Variants in WDPCP observed in about 807,000 individuals in gnomAD.
WDPCP encodes the protein WD repeat containing planar cell polarity effector.
In WDPCP, 71 loss-of-function variants were observed where a neutral mutation model predicts 93.1. The observed-to-expected ratio is 0.76, with a 90% CI of 0.63 to 0.93. The LOEUF (loss-of-function observed/expected upper bound fraction) is 0.93, where lower values mean the gene tolerates loss of function less well. Ranked by LOEUF, WDPCP falls within the 40% of genes least tolerant of loss-of-function variation. The pLI is 0.00. For synonymous variants in WDPCP, 315 were observed against 315.0 expected (o/e 1.00, Z 0.00); for missense variants, 844 against 887.4 (o/e 0.95, Z 0.62).
At chr2:63,277,637 C>T (rs1391967856) in intron 13 of WDPCP, among the ~76,000 whole-genome samples, 1 of 152,122 alleles carries the variant, frequency 6.6e-6, no homozygotes, top group Non-Finnish European at 1.5e-5. Flanking sequence ...TTTAAGACAA[C>T]AGCAGTTTAA....
intron 12 of WDPCP, among the ~76,000 whole-genome samples, chr2:63,374,841 TTA>T (rs34306844): frequency 0.55 from 83,346 of 151,652 alleles, 23,189 homozygotes; most frequent in Admixed American, 0.63. Flanking sequence ...ATCTCTCTGT[TTA>T]TCCATCAATT....
intron 2 of WDPCP, among the ~76,000 whole-genome samples, chr2:63,725,602 G>A (rs1162217204): frequency 1.3e-5 from 2 of 152,210 alleles, no homozygotes; most frequent in East Asian, 3.9e-4. Flanking sequence ...TCTGTTTTAG[G>A]TTCTTTGAGA....
intron 13 of WDPCP, among the ~76,000 whole-genome samples, chr2:63,261,055 T>C (rs951363619): frequency 1.3e-5 from 2 of 152,232 alleles, no homozygotes; most frequent in Non-Finnish European, 2.9e-5. Context: ...AAAGTTACAA[T>C]GTAAAACAGT....
chr2:63,640,050 C>T (rs901462967), intron 3 of WDPCP, among the ~76,000 whole-genome samples: 1 of 152,152 alleles, frequency 6.6e-6, no homozygotes, highest in Non-Finnish European at 1.5e-5. Flanking sequence ...TCGCTGTCTC[C>T]CAGGCTGGAG....
chr2:63,352,330 T>A (rs577221875), intron 12 of WDPCP, among the ~76,000 whole-genome samples: 2 of 152,260 alleles, frequency 1.3e-5, no homozygotes, highest in East Asian at 3.9e-4. Flanking sequence ...TTTTAAAAAG[T>A]GTTAAGTTTC....
intron 2 of WDPCP, among the ~76,000 whole-genome samples, chr2:63,688,359 G>A (rs1295633542): frequency 6.6e-6 from 1 of 151,848 alleles, no homozygotes; most frequent in African/African-American, 2.4e-5. Context: ...CCTGGGAGGC[G>A]GAGCTCGCAG....
At chr2:63,436,261 A>C (rs1175016462) in intron 8 of WDPCP, among the ~76,000 whole-genome samples, 2 of 152,136 alleles carry the variant, frequency 1.3e-5, no homozygotes, top group African/African-American at 2.4e-5. Flanking sequence ...AAATATAATA[A>C]GTAGCACTAA....
At chr2:63,265,848 A>G (rs1682063916) in intron 13 of WDPCP, among the ~76,000 whole-genome samples, 1 of 152,226 alleles carries the variant, frequency 6.6e-6, no homozygotes, top group African/African-American at 2.4e-5. Flanking sequence ...AAACGCAAGT[A>G]TGGTTCAACA....
intron 2 of WDPCP, among the ~76,000 whole-genome samples, chr2:63,763,530 G>A: frequency 6.6e-6 from 1 of 150,934 alleles, no homozygotes; most frequent in African/African-American, 2.4e-5. Context: ...AATTGTTGAT[G>A]GAATAAGTGA....
chr2:63,190,024 T>A (rs1674921366), intron 14 of WDPCP, among the ~76,000 whole-genome samples: 1 of 152,090 alleles, frequency 6.6e-6, no homozygotes, highest in Admixed American at 6.5e-5. Context: ...CTTTACTGAT[T>A]GGGGGATATA....
chr2:63,505,621 G>C (rs769134369), intron 1 of WDPCP, among the ~76,000 whole-genome samples: 1 of 151,924 alleles, frequency 6.6e-6, no homozygotes, highest in African/African-American at 2.4e-5. Flanking sequence ...AAACATATTT[G>C]AAAATTTGTG....
At chr2:63,324,729 A>G (rs1013156363) in intron 12 of WDPCP, among the ~76,000 whole-genome samples, 2 of 152,236 alleles carry the variant, frequency 1.3e-5, no homozygotes, top group Non-Finnish European at 2.9e-5. Context: ...AAAATTCCCT[A>G]CTGGTCAGCA....
intron 3 of WDPCP, chr2:63,597,207 A>G (rs1176465048): frequency 1.2e-6 from 1 of 868,860 alleles, no homozygotes; most frequent in East Asian, 1.2e-4. Flanking sequence ...AGCAAAATAA[A>G]TCTATTGACA....
At chr2:63,268,931 C>T (rs1321520963) in intron 13 of WDPCP, among the ~76,000 whole-genome samples, 2 of 151,998 alleles carry the variant, frequency 1.3e-5, no homozygotes, top group Non-Finnish European at 2.9e-5. Flanking sequence ...CACATTGTAC[C>T]CCATAAACAC....
chr2:63,250,465 A>G (rs1680622162), intron 14 of WDPCP, among the ~76,000 whole-genome samples: 2 of 152,230 alleles, frequency 1.3e-5, no homozygotes, highest in African/African-American at 4.8e-5. Context: ...AGACTACTAT[A>G]ATAGCAGTAT....
intron 2 of WDPCP, among the ~76,000 whole-genome samples, chr2:63,793,515 G>A (rs1442393449): frequency 6.6e-6 from 1 of 152,172 alleles, no homozygotes; most frequent in Non-Finnish European, 1.5e-5. Flanking sequence ...GGAGGCCCAG[G>A]TGGGAAGACT....
intron 14 of WDPCP, among the ~76,000 whole-genome samples, chr2:63,230,456 A>G (rs1678757804): frequency 6.6e-6 from 1 of 152,184 alleles, no homozygotes; most frequent in African/African-American, 2.4e-5. Context: ...ATGCCCAGTA[A>G]TGGGATGGCT....
At chr2:63,824,537 CAAAAAAAAAAAAA>C (rs70965144) in intron 1 of WDPCP, among the ~76,000 whole-genome samples, 1 of 85,288 alleles carries the variant, frequency 1.2e-5, no homozygotes, top group African/African-American at 5.1e-5. Context: ...GACCATGTTT[CAAAAAAAAAAAAA>C]AAAAAAAAAA....
At chr2:63,389,222 A>G (rs1478594913) in intron 10 of WDPCP, among the ~76,000 whole-genome samples, 1 of 152,222 alleles carries the variant, frequency 6.6e-6, no homozygotes, top group African/African-American at 2.4e-5. Flanking sequence ...ATTACAAGCC[A>G]GAAGAGGGTG....
Sources: gnomAD v4.1 joint callset for allele counts (sites outside exome capture counted in the v4.1 genomes callset) on GRCh38, gnomAD v4.1.1 for gene constraint, MANE v1.5 for transcripts, NCBI Gene and HGNC (gene_info 2026-07-23, HGNC 2026-07-21) for gene names.